Variants in SERPINB9 observed in about 807,000 individuals in gnomAD.
SERPINB9 encodes serpin B9.
A neutral mutation model predicts 27.2 loss-of-function variants in SERPINB9; 20 were observed. The observed-to-expected ratio is 0.74, with a 90% CI of 0.52 to 1.07. The LOEUF (loss-of-function observed/expected upper bound fraction) is 1.07. Ranked by LOEUF, SERPINB9 falls within the 50% of genes least tolerant of loss-of-function variation. The pLI, the probability that SERPINB9 is intolerant of heterozygous loss-of-function variation, is 0.00. For synonymous variants in SERPINB9, 189 were observed against 180.0 expected (o/e 1.05, Z -0.40); for missense variants, 476 against 460.1 (o/e 1.03, Z -0.32).
intron 1 of SERPINB9, among the ~76,000 whole-genome samples, chr6:2,901,537 G>A (rs1768202363): frequency 6.6e-6 from 1 of 152,184 alleles, no homozygotes; most frequent in Admixed American, 6.5e-5. Flanking sequence ...CGAGAACAAG[G>A]AGGTGGTGCC....
At chr6:2,899,548 T>C (rs1391484464) in intron 2 of SERPINB9, among the ~76,000 whole-genome samples, 1 of 152,214 alleles carries the variant, frequency 6.6e-6, no homozygotes, top group Non-Finnish European at 1.5e-5. Context: ...TTAGTGTTAT[T>C]TCACCTCCCT....
At chr6:2,897,625 C>A (rs1234742950) in intron 2 of SERPINB9, among the ~76,000 whole-genome samples, 1 of 151,860 alleles carries the variant, frequency 6.6e-6, no homozygotes. Flanking sequence ...TAATAAAATG[C>A]TAAAACTTTA....
chr6:2,897,890 A>C (rs1768055324), intron 2 of SERPINB9, among the ~76,000 whole-genome samples: 1 of 152,168 alleles, frequency 6.6e-6, no homozygotes, highest in Non-Finnish European at 1.5e-5. Flanking sequence ...ACAGATTATA[A>C]GTTACCAAAT....
intron 2 of SERPINB9, among the ~76,000 whole-genome samples, chr6:2,899,597 T>C (rs919545170): frequency 2.0e-5 from 3 of 152,260 alleles, no homozygotes; most frequent in Non-Finnish European, 2.9e-5. Context: ...CGTATTTTCA[T>C]TGCAATGCCC....
chr6:2,895,632 T>C lies in SERPINB9; in HGVS notation c.307-124A>G, dbSNP rs575941439. On this transcript the variant is annotated intron_variant, in intron 3 of 6. Coordinates refer to ENST00000380698, the MANE Select transcript of SERPINB9 (RefSeq NM_004155.6). Reference sequence around the variant, plus strand: ...AATATACATAACTCTTTAAAAGTGATCATATGAAGATATGTTAAAATATCA... The same window carrying C: ...AATATACATAACTCTTTAAAAGTGACCATATGAAGATATGTTAAAATATCA... 1.0e-5 allele frequency: 7 copies of C among 675,338 alleles called. No individual in the cohort carries two copies. In the East Asian group the frequency reaches 1.7e-4, roughly 16 times the overall value. 41.8% of individuals were successfully genotyped at this position (675,338 alleles called of 1,614,324 possible).
chr6:2,898,662 A>C (rs1472580821), intron 2 of SERPINB9, among the ~76,000 whole-genome samples: 1 of 152,092 alleles, frequency 6.6e-6, no homozygotes, highest in Non-Finnish European at 1.5e-5. Context: ...CTAAAAATAA[A>C]AATTAGCTGG....
In SERPINB9 at chr6:2,892,136, A is replaced by AAAAAT. The variant is rs1157022132; in HGVS notation, c.568-149_568-148insATTTT. ...AAAAAAAAAAAAAAAAAAAAAAAAAAGTCAACCAGTTCCTTCCTATCTTCA... is the reference window on the plus strand; with the variant it reads ...AAAAAAAAAAAAAAAAAAAAAAAAAAAAAATGTCAACCAGTTCCTTCCTATCTTCA... On this transcript the variant is annotated intron_variant, in intron 5 of 6. Transcript: ENST00000380698. 8.3e-6 allele frequency: 6 copies of AAAAAT among 718,872 alleles called. No individual in the cohort carries two copies. In the African/African-American group the frequency reaches 1.2e-4, roughly 15 times the overall value. 44.5% of individuals were successfully genotyped at this position (718,872 alleles called of 1,614,324 possible).
At chr6:2,902,967 CA>C (rs1768252455) in intron 1 of SERPINB9, among the ~76,000 whole-genome samples, 1 of 152,204 alleles carries the variant, frequency 6.6e-6, no homozygotes, top group Non-Finnish European at 1.5e-5. Context: ...AGCGAGGAGA[CA>C]TCCGGGAGGG....
In SERPINB9 at chr6:2,896,120, G is replaced by A. The variant is rs1767989151; in HGVS notation, c.239C>T (p.Ala80Val). ...CGTTCTCAGCAGGTACTGTGTGCCAGCCTTGTTCACTTCAGTGAGAAGCGA... is the reference window on the plus strand; with the variant it reads ...CGTTCTCAGCAGGTACTGTGTGCCAACCTTGTTCACTTCAGTGAGAAGCGA... ...FQSLLTEVNK[A>V]GTQYLLRTAN... Residue 80 changes from alanine (A) to valine (V), a missense_variant, in exon 3 of 7, where the codon GCT (alanine) becomes GTT (valine). Transcript: ENST00000380698. 1.2e-6 allele frequency: 2 copies of A among 1,614,114 alleles called. No individual in the cohort carries two copies. Among genetic ancestry groups the A allele is most frequent in the Non-Finnish European group, 1.7e-6 (2 of 1,179,978 alleles).
Position 2,890,499 on chromosome 6 carries a change from A to C in SERPINB9, c.795T>G (p.Val265=). The C allele has an allele frequency of 3.1e-6, 5 of 1,614,188 alleles. No homozygotes were observed. Among genetic ancestry groups the C allele is most frequent in the Non-Finnish European group, 4.2e-6 (5 of 1,180,036 alleles). The change falls in exon 7 of 7, where the codon GTT becomes GTG. Residue 265 remains valine, a synonymous_variant. Coordinates refer to ENST00000380698, the MANE Select transcript of SERPINB9 (RefSeq NM_004155.6). The surrounding 1 kb of genome is among the most constrained non-coding windows in gnomAD (Gnocchi z 6.2). The part of the protein sequence containing the change: ...TKPDCMKSTE[V]EVLLPKFKLQ... The stretch of plus-strand genomic sequence containing the variant: ...GTTTAAATTTTGGAAGGAGAACTTC[A>C]ACCTCAGTACTCTTCATACAGTCTG...
rs145960987 is a variant in SERPINB9, at chr6:2,890,908, A to G, written c.724-338T>C. ...TTCAAACATAGTCTTTTTAAAGACA[A>G]CAAACCATTGCTAGTAAAGAAAAGG... On this transcript the variant is annotated intron_variant, in intron 6 of 6. Transcript: ENST00000380698. This position sits in a 1 kb window ranked among gnomAD's most constrained non-coding sequence, Gnocchi z 6.2. 1.3e-4 allele frequency among the ~76,000 whole-genome samples: 20 copies of G among 152,308 alleles called. No individual in the cohort carries two copies. The East Asian group carries it at 3.7e-3, about 28-fold the overall frequency.
At chr6:2,901,205 G>T (rs73718374) in intron 1 of SERPINB9, among the ~76,000 whole-genome samples, 3,075 of 152,252 alleles carry the variant, frequency 0.02, 101 homozygotes, top group African/African-American at 0.071. Flanking sequence ...GTGGAGCCAG[G>T]CTGCTCCCAG....
In SERPINB9 at chr6:2,888,110, CAAT is replaced by C. The variant is rs1477444466; in HGVS notation, c.*2050_*2052del. 6.6e-6 allele frequency: 1 copy of C among 151,954 alleles called. No individual in the cohort carries two copies. Among genetic ancestry groups the C allele is most frequent in the African/African-American group, 2.4e-5 (1 of 41,338 alleles). 9.4% of individuals were successfully genotyped at this position (151,954 alleles called of 1,614,324 possible). ...ACATAGGAAATGCAAATAAAAAACACAATGAGATACCACTTCACACCCACTAAG... is the reference window on the plus strand; with the variant it reads ...ACATAGGAAATGCAAATAAAAAACACGAGATACCACTTCACACCCACTAAG... On this transcript the variant is annotated 3_prime_UTR_variant, in exon 7 of 7. Coordinates refer to ENST00000380698, the MANE Select transcript of SERPINB9 (RefSeq NM_004155.6).
intron 2 of SERPINB9, chr6:2,899,950 T>C: frequency 4.4e-6 from 2 of 456,392 alleles, no homozygotes; most frequent in Non-Finnish European, 8.8e-6. Flanking sequence ...AGCTGAGCAG[T>C]ACCTGCACAG....
intron 2 of SERPINB9, 65 bp from the exon 3 acceptor site, chr6:2,896,255 G>C: frequency 6.7e-7 from 1 of 1,490,058 alleles, no homozygotes; most frequent in Middle Eastern, 1.9e-4. Flanking sequence ...AGAGGAGAGA[G>C]AGGGGACAGA....
intron 1 of SERPINB9, among the ~76,000 whole-genome samples, chr6:2,901,943 C>A (rs953826323): frequency 1.3e-5 from 2 of 149,690 alleles, no homozygotes; most frequent in Non-Finnish European, 2.9e-5. Flanking sequence ...GCCACCCCCA[C>A]GCCACAGCCA....
Position 2,893,395 on chromosome 6 carries a change from A to T in SERPINB9, c.567+16T>A, listed in dbSNP as rs1439856520. 2 of 1,592,810 alleles carry T rather than the reference A, an allele frequency of 1.3e-6. No individual in the cohort carries two copies. The highest frequency in any genetic ancestry group is 8.6e-7 in the Non-Finnish European group (1 of 1,168,554). On this transcript the variant is annotated intron_variant, in intron 5 of 6. Transcript: ENST00000380698. The stretch of plus-strand genomic sequence containing the variant: ...TTCTTCATCAAACTAGCAGGATTTT[A>T]AAAAGCTTCCCCCACCTGGTTTATT...
Position 2,890,330 on chromosome 6 carries a change from C to G in SERPINB9, c.964G>C (p.Val322Leu), listed in dbSNP as rs764830722. ...GCTGCCTCGGTGCCTTCTTCATTCA[C>G]CTCCACAAAACTCTTGTGCACGAAC... ...SKFVHKSFVE[V>L]NEEGTEAAAA... is the part of the protein sequence containing the mutation. The change falls in exon 7 of 7, where the codon GTG becomes CTG. Residue 322 changes from valine (V) to leucine (L), a missense_variant. Transcript: ENST00000380698. This position sits in a 1 kb window ranked among gnomAD's most constrained non-coding sequence, Gnocchi z 6.2. 1 of 1,614,216 alleles carries G rather than the reference C, an allele frequency of 6.2e-7. No individual in the cohort carries two copies. The highest frequency in any genetic ancestry group is 8.5e-7 in the Non-Finnish European group (1 of 1,180,034).
At chr6:2,892,094 CCAGTTAA>C in intron 5 of SERPINB9, 106 bp from the exon 6 acceptor site, 1 of 603,500 alleles carries the variant, frequency 1.7e-6, no homozygotes, top group Non-Finnish European at 2.6e-6. Flanking sequence ...CATTCATGCC[CCAGTTAA>C]CACTAAAAAA....
Sources: allele counts gnomAD v4.1 joint callset (sites outside exome capture counted in the v4.1 genomes callset), GRCh38; gene constraint gnomAD v4.1.1; non-coding constraint Gnocchi (gnomAD v3.1); transcripts MANE v1.5; gene names NCBI Gene and HGNC (gene_info 2026-07-23, HGNC 2026-07-21).